Variants in ACTN1 observed in about 807,000 individuals in gnomAD.
ACTN1 encodes alpha-actinin-1.
In ACTN1, 30 loss-of-function variants were observed where a neutral mutation model predicts 119.6. The ratio of observed to expected loss-of-function variants is 0.25; its 90% CI spans 0.19 to 0.34. The LOEUF is 0.34. ACTN1 is among the 10% of genes least tolerant of loss of function. The probability of loss-of-function intolerance (pLI) is 1.00; values close to 1 mark genes in which losing one functional copy is unlikely to be tolerated. For missense variants in ACTN1, 764 were observed against 1,223.4 expected, an observed-to-expected ratio of 0.62 and a Z score of 5.60; for synonymous variants, 429 against 472.6, an observed-to-expected ratio of 0.91 and a Z score of 1.20.
At chr14:68,919,519 T>C (rs1426588987) in intron 3 of ACTN1, among the ~76,000 whole-genome samples, 1 of 152,256 alleles carries the variant, frequency 6.6e-6, no homozygotes. Context: ...AAGCAGATTA[T>C]ACTGCTATAT....
chr14:68,917,503 T>A (rs2034367969), intron 3 of ACTN1, among the ~76,000 whole-genome samples: 1 of 152,128 alleles, frequency 6.6e-6, no homozygotes, highest in South Asian at 2.1e-4. Context: ...CCTGCAACGT[T>A]CCCCCGCTCC....
intron 3 of ACTN1, among the ~76,000 whole-genome samples, chr14:68,920,181 G>T (rs564676264): frequency 1.3e-5 from 2 of 152,324 alleles, no homozygotes; most frequent in South Asian, 4.1e-4. Flanking sequence ...GGCAAAATCA[G>T]GATAATTAAT....
chr14:68,890,352 CT>C (rs1344370515), intron 10 of ACTN1, 66 bp from the exon 11 acceptor site: 1 of 1,577,338 alleles, frequency 6.3e-7, no homozygotes, highest in Admixed American at 1.8e-5. Flanking sequence ...CCCTAGCCCC[CT>C]AGACCCCTGA....
rs527457455 is a variant in ACTN1, at chr14:68,879,281, C to T, written c.2281-212G>A. ...CAGGGGGTGCCCTCCCCCCAGCACA[C>T]GCAGCCCTGCTCCAGGGAGCAGGAC... On this transcript the variant is annotated intron_variant, in intron 18 of 21. Transcript: ENST00000394419. This position sits in a 1 kb window ranked among gnomAD's most constrained non-coding sequence, Gnocchi z 4.9. Among the ~76,000 whole-genome samples the T allele has an allele frequency of 6.8e-4, 104 of 152,164 alleles. No homozygotes were observed. The highest frequency in any genetic ancestry group is 2.3e-3 in the African/African-American group (95 of 41,512).
chr14:68,920,370 G>A (rs1380567279), intron 3 of ACTN1, among the ~76,000 whole-genome samples: 1 of 152,098 alleles, frequency 6.6e-6, no homozygotes, highest in Non-Finnish European at 1.5e-5. Flanking sequence ...AGGACTGAAG[G>A]GGCCTGGATA....
intron 1 of ACTN1, among the ~76,000 whole-genome samples, chr14:68,964,444 G>A (rs188467966): frequency 1.3e-5 from 2 of 152,326 alleles, no homozygotes; most frequent in East Asian, 1.9e-4. Context: ...TGGGGCCCGG[G>A]AGGGTGGAGA....
At position 68,880,452 on chromosome 14, in the gene ACTN1, C is replaced by CGCGT. The variant is rs1430786987; in HGVS notation, c.2134-345_2134-344insACGC. Among the ~76,000 whole-genome samples, 1 of 117,246 alleles carries CGCGT rather than the reference C, an allele frequency of 8.5e-6. No individual in the cohort carries two copies. Among genetic ancestry groups the CGCGT allele is most frequent in the Admixed American group, 9.5e-5 (1 of 10,478 alleles). 76.9% of individuals were successfully genotyped at this position (117,246 alleles called of 152,430 possible). A position where few individuals can be genotyped will look rare whatever the true frequency, so the allele number is the denominator to read the frequency against. ...GAACCTCCAACCCCACAGCCACGCGCGCACACACACATACACACACACACA... is the reference window on the plus strand; with the variant it reads ...GAACCTCCAACCCCACAGCCACGCGCGCGTGCACACACACATACACACACACACA... On this transcript the variant is annotated intron_variant, in intron 17 of 21. Transcript: ENST00000394419. The surrounding 1 kb of genome is among the most constrained non-coding windows in gnomAD (Gnocchi z 4.6).
intron 2 of ACTN1, 55 bp from the exon 3 acceptor site, chr14:68,921,180 A>G: frequency 1.2e-6 from 2 of 1,602,414 alleles, no homozygotes; most frequent in Non-Finnish European, 1.7e-6. Flanking sequence ...GCCAGGGGCC[A>G]GAGCTACTAC....
At position 68,878,631 on chromosome 14, in the gene ACTN1, G is replaced by T. The variant is rs2031164842; in HGVS notation, c.2362-108C>A. 6.4e-7 allele frequency: 1 copy of T among 1,565,740 alleles called. No individual in the cohort carries two copies. The highest frequency in any genetic ancestry group is 2.4e-5 in the East Asian group (1 of 42,546). On this transcript the variant is annotated intron_variant, in intron 19 of 21. Transcript: ENST00000394419. This position sits in a 1 kb window ranked among gnomAD's most constrained non-coding sequence, Gnocchi z 4.4. Reference sequence around the variant, plus strand: ...GAACAGATGGCCAGAACGGGGATGAGATTTATGGTTTTGGGGGTCAGGATA... The same window carrying T: ...GAACAGATGGCCAGAACGGGGATGATATTTATGGTTTTGGGGGTCAGGATA...
chr14:68,879,620 G>A lies in ACTN1; in HGVS notation c.2280+342C>T, dbSNP rs2031300874. On this transcript the variant is annotated intron_variant, in intron 18 of 21. Coordinates refer to ENST00000394419, the MANE Select transcript of ACTN1 (RefSeq NM_001130004.2). The surrounding 1 kb of genome is among the most constrained non-coding windows in gnomAD (Gnocchi z 4.9). ...TAGGGGTAGGGGCCAGCGAGGGCAG[G>A]AGGAGTCTCTTCTGCTCCTCTGTCT... Among the ~76,000 whole-genome samples, 5 of 152,178 alleles carry A rather than the reference G, an allele frequency of 3.3e-5. No individual in the cohort carries two copies.
intron 1 of ACTN1, among the ~76,000 whole-genome samples, chr14:68,950,010 A>G (rs1006375833): frequency 1.3e-5 from 2 of 152,150 alleles, no homozygotes; most frequent in Admixed American, 1.3e-4. Context: ...AGTTCAGAAG[A>G]TGGGGCTGGG....
At chr14:68,912,299 A>G in intron 3 of ACTN1, 57 bp from the exon 4 acceptor site, 2 of 1,395,278 alleles carry the variant, frequency 1.4e-6, no homozygotes, top group Non-Finnish European at 2.0e-6. Context: ...CAGAATTAAC[A>G]CTCCCTCAGC....
chr14:68,948,649 A>C (rs1193105856), intron 1 of ACTN1, among the ~76,000 whole-genome samples: 2 of 152,186 alleles, frequency 1.3e-5, no homozygotes, highest in Non-Finnish European at 2.9e-5. Context: ...GGGTTAAGTA[A>C]GCCGGCTAGC....
chr14:68,896,784 G>A (rs1206351861), intron 8 of ACTN1, among the ~76,000 whole-genome samples: 1 of 152,150 alleles, frequency 6.6e-6, no homozygotes, highest in Non-Finnish European at 1.5e-5. Context: ...AGAACCAGGT[G>A]CCCTGACATG....
chr14:68,892,326 G>C (rs752526757), intron 9 of ACTN1, 43 bp from the exon 10 acceptor site: 2 of 1,575,172 alleles, frequency 1.3e-6, no homozygotes, highest in South Asian at 2.4e-5. Context: ...AGGAGGCGGG[G>C]AGGGAGTGTG....
At chr14:68,892,367 C>T (rs1240761032) in intron 9 of ACTN1, 84 bp from the exon 10 acceptor site, 8 of 1,416,266 alleles carry the variant, frequency 5.6e-6, no homozygotes, top group South Asian at 1.3e-5. Context: ...CTCCCAACAG[C>T]CCTCCCACAT....
intron 1 of ACTN1, among the ~76,000 whole-genome samples, chr14:68,966,532 A>C (rs1466109247): frequency 1.3e-5 from 2 of 152,212 alleles, no homozygotes; most frequent in Non-Finnish European, 2.9e-5. Context: ...CTGGGGGACA[A>C]GATAGGTTTC....
At position 68,879,786 on chromosome 14, in the gene ACTN1, A is replaced by G. The variant is rs2031319083; in HGVS notation, c.2280+176T>C. 1.2e-6 allele frequency: 1 copy of G among 828,584 alleles called. No homozygotes were observed. The highest frequency in any genetic ancestry group is 1.8e-6 in the Non-Finnish European group (1 of 546,266). 51.3% of individuals were successfully genotyped at this position (828,584 alleles called of 1,614,324 possible). ...GCAGGGAAGCTTATGGGGCACCAACACAGGTTTTCCAAGGCTGGTTTTGCA... is the reference window on the plus strand; with the variant it reads ...GCAGGGAAGCTTATGGGGCACCAACGCAGGTTTTCCAAGGCTGGTTTTGCA... On this transcript the variant is annotated intron_variant, in intron 18 of 21. Coordinates refer to ENST00000394419, the MANE Select transcript of ACTN1 (RefSeq NM_001130004.2). This position sits in a 1 kb window ranked among gnomAD's most constrained non-coding sequence, Gnocchi z 4.9.
At chr14:68,898,996 CACACCCT>C in intron 8 of ACTN1, among the ~76,000 whole-genome samples, 1 of 146,638 alleles carries the variant, frequency 6.8e-6, no homozygotes, top group South Asian at 2.2e-4. Flanking sequence ...TCACACCACA[CACACCCT>C]ACACCTCACA....
Sources: gnomAD v4.1 joint callset for allele counts (sites outside exome capture counted in the v4.1 genomes callset) on GRCh38, gnomAD v4.1.1 for gene constraint, Gnocchi (gnomAD v3.1) non-coding constraint, MANE v1.5 for transcripts, NCBI Gene and HGNC (gene_info 2026-07-23, HGNC 2026-07-21) for gene names.